Variants in CHST11 observed in about 807,000 individuals in gnomAD.
The protein encoded by CHST11 is carbohydrate sulfotransferase 11.
CHST11 carries 9 observed loss-of-function variants against 30.4 expected under a neutral mutation model. That is an observed-to-expected ratio of 0.30 (90% CI 0.18 to 0.52). The LOEUF (loss-of-function observed/expected upper bound fraction) is 0.52. CHST11 is among the 20% of genes least tolerant of loss of function. The probability of loss-of-function intolerance (pLI) is 0.97; values close to 1 mark genes in which losing one functional copy is unlikely to be tolerated. For missense variants in CHST11, 348 were observed against 460.6 expected, an observed-to-expected ratio of 0.76 and a Z score of 2.24; for synonymous variants, 152 against 187.8, an observed-to-expected ratio of 0.81 and a Z score of 1.56.
chr12:104,566,411 T>C (rs1157612513), intron 1 of CHST11, among the ~76,000 whole-genome samples: 10 of 152,260 alleles, frequency 6.6e-5, no homozygotes, highest in Admixed American at 3.9e-4. Context: ...CCACTCATAA[T>C]GGAAATAATT....
chr12:104,675,664 C>G (rs1273955518), intron 2 of CHST11, among the ~76,000 whole-genome samples: 1 of 152,196 alleles, frequency 6.6e-6, no homozygotes, highest in East Asian at 1.9e-4. Context: ...GATTCCTGGT[C>G]CTAAACCACG....
At chr12:104,656,042 C>T (rs116814717) in intron 2 of CHST11, among the ~76,000 whole-genome samples, 3,816 of 152,268 alleles carry the variant, frequency 0.025, 182 homozygotes, top group African/African-American at 0.086. Flanking sequence ...GTAAGCAAGA[C>T]GAAAGGGGTA....
intron 2 of CHST11, among the ~76,000 whole-genome samples, chr12:104,673,024 G>T (rs1474028815): frequency 6.6e-6 from 1 of 152,180 alleles, no homozygotes; most frequent in Non-Finnish European, 1.5e-5. Flanking sequence ...ACTCCCTCTG[G>T]AGACTCTAAG....
intron 1 of CHST11, chr12:104,514,058 T>C: frequency 9.9e-7 from 1 of 1,009,296 alleles, no homozygotes; most frequent in Middle Eastern, 3.1e-4. Context: ...TACTCATTTC[T>C]CTAGCTCTGG....
chr12:104,725,090 T>C (rs2040206723), intron 2 of CHST11, among the ~76,000 whole-genome samples: 1 of 152,132 alleles, frequency 6.6e-6, no homozygotes, highest in Non-Finnish European at 1.5e-5. Flanking sequence ...GCGCCCCCAT[T>C]TTGTAGCCAC....
At chr12:104,532,293 G>GT (rs1374538754) in intron 1 of CHST11, among the ~76,000 whole-genome samples, 1 of 152,056 alleles carries the variant, frequency 6.6e-6, no homozygotes, top group Non-Finnish European at 1.5e-5. Flanking sequence ...CCAAGGTCTA[G>GT]TTCACAGCCC....
chr12:104,580,146 A>G (rs1270562839), intron 1 of CHST11, among the ~76,000 whole-genome samples: 1 of 152,142 alleles, frequency 6.6e-6, no homozygotes, highest in Non-Finnish European at 1.5e-5. Flanking sequence ...GCCAGACATC[A>G]TTTGTGACTT....
intron 2 of CHST11, among the ~76,000 whole-genome samples, chr12:104,632,829 A>G (rs545688938): frequency 7.9e-5 from 12 of 152,276 alleles, no homozygotes; most frequent in South Asian, 4.1e-4. Flanking sequence ...CAGACACCAC[A>G]CTGGTTTCCC....
chr12:104,471,623 C>T (rs780391790), intron 1 of CHST11, among the ~76,000 whole-genome samples: 7 of 152,116 alleles, frequency 4.6e-5, no homozygotes, highest in South Asian at 2.1e-4. Context: ...CAACACTGTC[C>T]AGTGGAAATA....
intron 1 of CHST11, among the ~76,000 whole-genome samples, chr12:104,569,590 C>T (rs942580177): frequency 1.3e-5 from 2 of 152,164 alleles, no homozygotes; most frequent in Non-Finnish European, 2.9e-5. Flanking sequence ...GATTGATCAG[C>T]AGCAGAACTG....
intron 1 of CHST11, among the ~76,000 whole-genome samples, chr12:104,505,220 C>T (rs183965571): frequency 8.9e-4 from 136 of 152,214 alleles, no homozygotes; most frequent in African/African-American, 3.2e-3. Flanking sequence ...TCCCAGGGGA[C>T]GTTTAGCAAT....
intron 1 of CHST11, among the ~76,000 whole-genome samples, chr12:104,505,326 C>T (rs1286813966): frequency 6.6e-6 from 1 of 151,920 alleles, no homozygotes; most frequent in Non-Finnish European, 1.5e-5. Context: ...TGGAACAGCA[C>T]CCCCCACACC....
chr12:104,569,908 G>T (rs769110098), intron 1 of CHST11, among the ~76,000 whole-genome samples: 1 of 152,168 alleles, frequency 6.6e-6, no homozygotes, highest in East Asian at 1.9e-4. Flanking sequence ...AGGACGGGTT[G>T]CGAAAGGAAC....
chr12:104,645,728 T>A (rs924270623), intron 2 of CHST11, among the ~76,000 whole-genome samples: 13 of 151,484 alleles, frequency 8.6e-5, no homozygotes, highest in Admixed American at 2.6e-4. Context: ...TAGAGCTTTA[T>A]TAAAAGGAAA....
At chr12:104,629,096 A>G (rs1451898242) in intron 2 of CHST11, among the ~76,000 whole-genome samples, 2 of 152,212 alleles carry the variant, frequency 1.3e-5, no homozygotes, top group African/African-American at 4.8e-5. Flanking sequence ...TGCAAATTGC[A>G]CAGGGGTTAA....
intron 1 of CHST11, among the ~76,000 whole-genome samples, chr12:104,551,015 A>G (rs2136009191): frequency 6.6e-6 from 1 of 151,988 alleles, no homozygotes; most frequent in Middle Eastern, 3.4e-3. Flanking sequence ...GTGAGTGCTG[A>G]TGGTCCGTAC....
At chr12:104,620,729 ATTGT>A (rs1380359042) in intron 2 of CHST11, among the ~76,000 whole-genome samples, 1 of 152,158 alleles carries the variant, frequency 6.6e-6, no homozygotes, top group Non-Finnish European at 1.5e-5. Context: ...GGTTTTGTTC[ATTGT>A]TTGTTGTGTC....
At chr12:104,673,242 A>G (rs904792034) in intron 2 of CHST11, among the ~76,000 whole-genome samples, 2 of 152,232 alleles carry the variant, frequency 1.3e-5, no homozygotes, top group Non-Finnish European at 2.9e-5. Flanking sequence ...CCGTTTATCC[A>G]GAGAAGGTCA....
intron 2 of CHST11, among the ~76,000 whole-genome samples, chr12:104,621,926 GGCA>G (rs1486977053): frequency 2.0e-5 from 3 of 152,236 alleles, no homozygotes; most frequent in Non-Finnish European, 2.9e-5. Flanking sequence ...TAAGCAGTCC[GGCA>G]GCAGCGTGGT....
Sources: gnomAD v4.1 joint callset for allele counts (sites outside exome capture counted in the v4.1 genomes callset) on GRCh38, gnomAD v4.1.1 for gene constraint, MANE v1.5 for transcripts, NCBI Gene and HGNC (gene_info 2026-07-23, HGNC 2026-07-21) for gene names.